Variants in SEMA5A observed in about 807,000 individuals in gnomAD.
SEMA5A encodes the protein semaphorin-5A.
SEMA5A carries 55 observed loss-of-function variants against 135.5 expected under a neutral mutation model. The observed-to-expected ratio is 0.41, with a 90% CI of 0.33 to 0.51. The LOEUF is 0.51. SEMA5A is among the 20% of genes least tolerant of loss of function. SEMA5A has a pLI of 0.37. For synonymous variants in SEMA5A, 580 were observed against 546.5 expected, an observed-to-expected ratio of 1.06 and a Z score of -0.85; for missense variants, 1,290 against 1,419.9, an observed-to-expected ratio of 0.91 and a Z score of 1.47.
chr5:9,112,190 A>G (rs1352359465), intron 15 of SEMA5A, among the ~76,000 whole-genome samples: 1 of 152,218 alleles, frequency 6.6e-6, no homozygotes, highest in African/African-American at 2.4e-5. Flanking sequence ...TTTGTATTTA[A>G]AAGTCAATTA....
intron 5 of SEMA5A, among the ~76,000 whole-genome samples, chr5:9,290,258 A>G (rs1751014131): frequency 6.6e-6 from 1 of 152,096 alleles, no homozygotes; most frequent in Non-Finnish European, 1.5e-5. Flanking sequence ...TATGCCTTTG[A>G]ATAATTATAG....
intron 16 of SEMA5A, among the ~76,000 whole-genome samples, chr5:9,075,057 A>G (rs1311915126): frequency 1.3e-5 from 2 of 152,220 alleles, no homozygotes; most frequent in African/African-American, 4.8e-5. Context: ...TACTCTTACT[A>G]GTCATAAAAA....
chr5:9,397,588 T>C (rs1022365250), intron 2 of SEMA5A, among the ~76,000 whole-genome samples: 12 of 152,218 alleles, frequency 7.9e-5, no homozygotes, highest in Non-Finnish European at 1.3e-4. Context: ...TTCTGAGATA[T>C]ATGGCTTTGC....
chr5:9,099,921 T>C (rs1553984281), intron 16 of SEMA5A, among the ~76,000 whole-genome samples: 1 of 152,188 alleles, frequency 6.6e-6, no homozygotes, highest in Non-Finnish European at 1.5e-5. Flanking sequence ...ACACTCTGTG[T>C]GCAGAGAAAG....
chr5:9,206,691 C>A lies in SEMA5A; in HGVS notation c.647-4451G>T, dbSNP rs183642109. Among the ~76,000 whole-genome samples the A allele has an allele frequency of 3.0e-4, 45 of 152,034 alleles. No individual in the cohort carries two copies. In the East Asian group the frequency reaches 8.6e-3, roughly 29 times the overall value. On this transcript the variant is annotated intron_variant, in intron 8 of 22. Coordinates refer to ENST00000382496, the MANE Select transcript of SEMA5A (RefSeq NM_003966.3). ...TATTAAAGGCACAAAGGAATCCCAACTCTACAAAAATCTTACTAGAATCAA... is the reference window on the plus strand; with the variant it reads ...TATTAAAGGCACAAAGGAATCCCAAATCTACAAAAATCTTACTAGAATCAA...
At chr5:9,111,779 T>C (rs530193847) in intron 15 of SEMA5A, among the ~76,000 whole-genome samples, 2 of 152,292 alleles carry the variant, frequency 1.3e-5, no homozygotes, top group South Asian at 4.1e-4. Flanking sequence ...ACAAAGTGCT[T>C]GGAAGCCTGT....
At chr5:9,127,077 T>TA (rs1294410295) in intron 13 of SEMA5A, among the ~76,000 whole-genome samples, 1 of 152,198 alleles carries the variant, frequency 6.6e-6, no homozygotes, top group Non-Finnish European at 1.5e-5. Context: ...AACCATAAAC[T>TA]AAATTCCTCT....
At chr5:9,332,475 G>T (rs1330311673) in intron 4 of SEMA5A, among the ~76,000 whole-genome samples, 1 of 150,410 alleles carries the variant, frequency 6.6e-6, no homozygotes, top group Non-Finnish European at 1.5e-5. Context: ...GCAGCTATAG[G>T]CTGGTACTCA....
intron 2 of SEMA5A, among the ~76,000 whole-genome samples, chr5:9,381,296 C>A (rs540106634): frequency 1.3e-5 from 2 of 152,228 alleles, no homozygotes; most frequent in African/African-American, 4.8e-5. Context: ...TTGAGGGTTT[C>A]AATGTGAATC....
At chr5:9,145,636 G>GA (rs1742287170) in intron 12 of SEMA5A, among the ~76,000 whole-genome samples, 1 of 124,582 alleles carries the variant, frequency 8.0e-6, no homozygotes, top group Non-Finnish European at 1.7e-5. Context: ...TATTAAAGAA[G>GA]AAAACTTTTT....
chr5:9,437,713 A>AT (rs3836917), intron 2 of SEMA5A, 43 bp downstream of exon 2: 121,537 of 151,938 alleles, frequency 0.8, 49,804 homozygotes, highest in Middle Eastern at 0.91. Context: ...TCAATCTGTA[A>AT]TTTTTTTAGT....
chr5:9,443,553 G>A (rs1012835187), intron 1 of SEMA5A, among the ~76,000 whole-genome samples: 5 of 152,144 alleles, frequency 3.3e-5, no homozygotes, highest in African/African-American at 1.2e-4. Flanking sequence ...ATGATGTAAT[G>A]GGTGACATAT....
chr5:9,327,368 G>C (rs551448094), intron 4 of SEMA5A, among the ~76,000 whole-genome samples: 2 of 152,040 alleles, frequency 1.3e-5, no homozygotes, highest in Admixed American at 6.6e-5. Context: ...ATACTGTTAC[G>C]TGTGTCTGGT....
intron 16 of SEMA5A, among the ~76,000 whole-genome samples, chr5:9,088,661 C>CAT (rs111304057): frequency 0.073 from 6,516 of 89,850 alleles, 820 homozygotes; most frequent in African/African-American, 0.25. Context: ...TATATATATA[C>CAT]ACACACACAC....
rs765273932 is a variant in SEMA5A, at chr5:9,306,386, C to T, written c.270+11986G>A. 9.2e-5 allele frequency among the ~76,000 whole-genome samples: 14 copies of T among 152,126 alleles called. 1 individual carries two copies. Among genetic ancestry groups the T allele is most frequent in the Admixed American group, 2.6e-4 (4 of 15,254 alleles). On this transcript the variant is annotated intron_variant, in intron 5 of 22. Coordinates refer to ENST00000382496, the MANE Select transcript of SEMA5A (RefSeq NM_003966.3). The stretch of plus-strand genomic sequence containing the variant: ...TTCCACAGACTGGTCTTCCAGTTCA[C>T]TAATACAATATTTTTTTTCTGCTAT...
chr5:9,140,005 C>T (rs868549357), intron 12 of SEMA5A, among the ~76,000 whole-genome samples: 2 of 152,108 alleles, frequency 1.3e-5, no homozygotes, highest in Admixed American at 1.3e-4. Context: ...AAAATCTAAA[C>T]ATCTCAAACC....
chr5:9,540,554 G>A lies in SEMA5A; in HGVS notation c.-175+5030C>T, dbSNP rs557095430. 2.3e-3 allele frequency among the ~76,000 whole-genome samples: 344 copies of A among 152,114 alleles called. 2 individuals carry two copies. The highest frequency in any genetic ancestry group is 7.7e-3 in the African/African-American group (319 of 41,490). The stretch of plus-strand genomic sequence containing the variant: ...AGAGGTTGCAGTGAGCCAAGATCGC[G>A]CCACTGCACCCCAGCCAGGGTGACA... On this transcript the variant is annotated intron_variant, in intron 1 of 22. Transcript: ENST00000382496.
At chr5:9,373,135 CAG>C (rs1755214940) in intron 3 of SEMA5A, among the ~76,000 whole-genome samples, 1 of 152,142 alleles carries the variant, frequency 6.6e-6, no homozygotes, top group South Asian at 2.1e-4. Context: ...AGAGCCAACT[CAG>C]AGTTACAAAA....
intron 16 of SEMA5A, among the ~76,000 whole-genome samples, chr5:9,102,990 A>G (rs1040503328): frequency 2.0e-5 from 3 of 152,210 alleles, no homozygotes; most frequent in Admixed American, 6.5e-5. Flanking sequence ...AAACAAATAC[A>G]AAATATACCT....
Sources: allele counts gnomAD v4.1 joint callset (sites outside exome capture counted in the v4.1 genomes callset), GRCh38; gene constraint gnomAD v4.1.1; transcripts MANE v1.5; gene names NCBI Gene and HGNC (gene_info 2026-07-23, HGNC 2026-07-21).